The following SPRED2 variants were observed in gnomAD, a reference collection of about 807,000 sequenced individuals.
SPRED2 encodes sprouty-related, EVH1 domain-containing protein 2.
A neutral mutation model predicts 43.0 loss-of-function variants in SPRED2; 47 were observed. The observed-to-expected ratio is 1.09, with a 90% CI of 0.87 to 1.40. The LOEUF is 1.40. Ranked by LOEUF, SPRED2 falls within the 40% of genes most tolerant of loss-of-function variation. The pLI is 0.00. For missense variants in SPRED2, 561 were observed against 586.4 expected (o/e 0.96, Z 0.45); for synonymous variants, 225 against 225.7 (o/e 1.00, Z 0.03).
chr2:65,358,587 A>G (rs1197865681), intron 1 of SPRED2, among the ~76,000 whole-genome samples: 2 of 152,218 alleles, frequency 1.3e-5, no homozygotes. Context: ...AGGGAAAGAC[A>G]TTTCTTATAG....
intron 1 of SPRED2, among the ~76,000 whole-genome samples, chr2:65,376,439 A>T (rs1182017389): frequency 6.6e-6 from 1 of 152,070 alleles, no homozygotes; most frequent in Non-Finnish European, 1.5e-5. Flanking sequence ...AGATAGATGC[A>T]TTTTTCTTTT....
chr2:65,309,171 AT>A (rs1454099215), downstream of SPRED2, among the ~76,000 whole-genome samples: 39 of 144,940 alleles, frequency 2.7e-4, no homozygotes, highest in African/African-American at 9.7e-4. Context: ...AAAAAAAAAA[AT>A]CATTAAAGTG....
Position 65,317,083 on chromosome 2 carries a change from T to C in SPRED2, c.439-200A>G, listed in dbSNP as rs190258520. ...GATTGTCTAAACACAATGTGGCTGG[T>C]TCAACAGGCAGAGAAGCCCAGCCAC... is the stretch of plus-strand genomic sequence containing the variant. On this transcript the variant is annotated intron_variant, in intron 4 of 5. Transcript: ENST00000356388. Among the ~76,000 whole-genome samples the C allele has an allele frequency of 4.2e-3, 645 of 152,006 alleles. 4 individuals are homozygous for C. Among genetic ancestry groups the C allele is most frequent in the African/African-American group, 0.015 (623 of 41,530 alleles).
At position 65,410,324 on chromosome 2, in the gene SPRED2, C is replaced by T. The variant is rs1050472562; in HGVS notation, c.26+21638G>A. Among the ~76,000 whole-genome samples the T allele has an allele frequency of 2.0e-5, 3 of 152,194 alleles. No individual in the cohort carries two copies. The South Asian group carries it at 6.2e-4, about 32-fold the overall frequency. On this transcript the variant is annotated intron_variant, in intron 1 of 5. Transcript: ENST00000356388. ...GCAGCCTACACAGGGGTGTCTCTCT[C>T]GCTCTCTCTCTGTCTCTCTCCTGCC...
intron 1 of SPRED2, among the ~76,000 whole-genome samples, chr2:65,350,952 T>C (rs1161737039): frequency 6.6e-6 from 1 of 152,198 alleles, no homozygotes; most frequent in Non-Finnish European, 1.5e-5. Context: ...AGTTTCCTCC[T>C]TTGCAAAATG....
chr2:65,403,805 G>C (rs918065793), intron 1 of SPRED2, among the ~76,000 whole-genome samples: 1 of 152,146 alleles, frequency 6.6e-6, no homozygotes. Flanking sequence ...TAGACCTCAG[G>C]TGCTTGGTAC....
At chr2:65,360,422 T>G (rs932434553) in intron 1 of SPRED2, among the ~76,000 whole-genome samples, 5 of 152,258 alleles carry the variant, frequency 3.3e-5, no homozygotes, top group African/African-American at 1.2e-4. Context: ...CTTTTTCTTG[T>G]GTGTTCGCAT....
Position 65,386,695 on chromosome 2 carries a change from A to G in SPRED2, c.27-41799T>C, listed in dbSNP as rs142896697. Among the ~76,000 whole-genome samples, 626 of 152,328 alleles carry G rather than the reference A, an allele frequency of 4.1e-3. 3 individuals carry two copies. Among genetic ancestry groups the G allele is most frequent in the African/African-American group, 0.015 (607 of 41,572 alleles). On this transcript the variant is annotated intron_variant, in intron 1 of 5. Transcript: ENST00000356388. ...AGAGAGATCAAGTAAAGCTCGGACTATCTATATAAGGAAGGAAATTTCAGG... is the reference window on the plus strand; with the variant it reads ...AGAGAGATCAAGTAAAGCTCGGACTGTCTATATAAGGAAGGAAATTTCAGG...
In SPRED2 at chr2:65,388,307, T is replaced by C. The variant is rs114319014; in HGVS notation, c.27-43411A>G. Among the ~76,000 whole-genome samples, 352 of 152,302 alleles carry C rather than the reference T, an allele frequency of 2.3e-3. 2 individuals are homozygous for C. The highest frequency in any genetic ancestry group is 8.2e-3 in the African/African-American group (340 of 41,560). ...GCCCTCAAGGTAGAGATCGCGTGTC[T>C]CCTATTAGGGGCCGGGCCAAAGACA... is the stretch of plus-strand genomic sequence containing the variant. On this transcript the variant is annotated intron_variant, in intron 1 of 5. Transcript: ENST00000356388.
intron 1 of SPRED2, among the ~76,000 whole-genome samples, chr2:65,400,770 G>A (rs1675866924): frequency 6.6e-6 from 1 of 152,076 alleles, no homozygotes; most frequent in Non-Finnish European, 1.5e-5. Flanking sequence ...CTGGAATCCA[G>A]AATTCAGGAT....
chr2:65,309,463 G>A (rs1419236366), downstream of SPRED2, among the ~76,000 whole-genome samples: 1 of 139,276 alleles, frequency 7.2e-6, no homozygotes, highest in Non-Finnish European at 1.5e-5. Flanking sequence ...CCATGACTGT[G>A]CCACTGCATT....
intron 4 of SPRED2, among the ~76,000 whole-genome samples, chr2:65,318,294 C>T (rs370628505): frequency 6.6e-6 from 1 of 152,130 alleles, no homozygotes; most frequent in Non-Finnish European, 1.5e-5. Flanking sequence ...TGCCCGGTCT[C>T]CGGTATGTCT....
intron 1 of SPRED2, among the ~76,000 whole-genome samples, chr2:65,417,563 A>G: frequency 6.6e-6 from 1 of 152,124 alleles, no homozygotes; most frequent in East Asian, 1.9e-4. Context: ...TACCTGGGCC[A>G]CCTTTATCTC....
chr2:65,342,538 C>T (rs1674226130), intron 2 of SPRED2, among the ~76,000 whole-genome samples: 2 of 151,692 alleles, frequency 1.3e-5, no homozygotes, highest in Admixed American at 6.6e-5. Context: ...AATTCTAATA[C>T]TGGTAGCAGC....
rs1315587205 is a variant in SPRED2, at chr2:65,312,180, G to A, written c.*1321C>T. 12 of 985,570 alleles carry A rather than the reference G, an allele frequency of 1.2e-5. No homozygotes were observed. Among genetic ancestry groups the A allele is most frequent in the African/African-American group, 1.7e-5 (1 of 57,230 alleles). 61.1% of individuals were successfully genotyped at this position (985,570 alleles called of 1,614,324 possible). On this transcript the variant is annotated 3_prime_UTR_variant, in exon 6 of 6. Coordinates refer to ENST00000356388, the MANE Select transcript of SPRED2 (RefSeq NM_181784.3). The stretch of plus-strand genomic sequence containing the variant: ...TTAGAAGCCTCCTCCGTGGCAAGGC[G>A]ACAGGCAGAACCAGTTGGCTGACCT...
At position 65,333,511 on chromosome 2, in the gene SPRED2, G is replaced by T. The variant is rs1281538881; in HGVS notation, c.373+1094C>A. ...AAAAGCTAGATAGTATGTATATAGA[G>T]AAAAAAATTACAAGTAGGAGAATGA... On this transcript the variant is annotated intron_variant, in intron 3 of 5. Transcript: ENST00000356388. Among the ~76,000 whole-genome samples, 3 of 152,092 alleles carry T rather than the reference G, an allele frequency of 2.0e-5. 1 individual carries two copies. The highest frequency in any genetic ancestry group is 7.2e-5 in the African/African-American group (3 of 41,416).
intron 3 of SPRED2, among the ~76,000 whole-genome samples, chr2:65,333,097 C>A (rs1474443529): frequency 6.6e-6 from 1 of 151,878 alleles, no homozygotes; most frequent in African/African-American, 2.4e-5. Context: ...GAAACCCTGT[C>A]TCTACTAAAA....
At position 65,356,536 on chromosome 2, in the gene SPRED2, C is replaced by CTTTTTTT. The variant is rs1274369940; in HGVS notation, c.27-11647_27-11641dup. 2.0e-3 allele frequency among the ~76,000 whole-genome samples: 120 copies of CTTTTTTT among 60,528 alleles called. 1 individual carries two copies. Among genetic ancestry groups the CTTTTTTT allele is most frequent in the Admixed American group, 3.1e-3 (13 of 4,182 alleles). 39.7% of individuals were successfully genotyped at this position (60,528 alleles called of 152,430 possible). ...TTAGAGTGCAGTTCCCCAGTTCCCT[C>CTTTTTTT]TTTTTTTTTTTTTTTTTTTTTTGTG... On this transcript the variant is annotated intron_variant, in intron 1 of 5. Coordinates refer to ENST00000356388, the MANE Select transcript of SPRED2 (RefSeq NM_181784.3).
Position 65,316,651 on chromosome 2 carries a change from T to G in SPRED2, c.588+83A>C. 2.0e-6 allele frequency: 3 copies of G among 1,497,108 alleles called. No individual in the cohort carries two copies. In the South Asian group the frequency reaches 3.8e-5, roughly 19 times the overall value. The allele number at this position is 1,497,108 out of a possible 1,614,324, so 92.7% of individuals were successfully genotyped here. ...AGGAGAGGCCTGTGGTCATGGAATT[T>G]GGCTGAATAGGAGGGGAAAGAGGCC... On this transcript the variant is annotated intron_variant, in intron 5 of 5. Coordinates refer to ENST00000356388, the MANE Select transcript of SPRED2 (RefSeq NM_181784.3).
Sources: allele counts gnomAD v4.1 joint callset (sites outside exome capture counted in the v4.1 genomes callset), GRCh38; gene constraint gnomAD v4.1.1; transcripts MANE v1.5; gene names NCBI Gene and HGNC (gene_info 2026-07-23, HGNC 2026-07-21).